The following MICAL3 variants were observed in gnomAD, a reference collection of about 807,000 sequenced individuals.
The protein encoded by MICAL3 is microtubule associated monooxygenase, calponin and LIM domain containing 3, also known as [F-actin]-monooxygenase MICAL3.
MICAL3 carries 62 observed loss-of-function variants against 207.4 expected under a neutral mutation model. The ratio of observed to expected loss-of-function variants is 0.30; its 90% CI spans 0.24 to 0.37. The LOEUF (loss-of-function observed/expected upper bound fraction) is 0.37. Among genes scored for constraint, MICAL3 ranks in the 10% least tolerant of loss-of-function variants. The pLI is 1.00. For missense variants in MICAL3, 2,368 were observed against 2,635.6 expected, an observed-to-expected ratio of 0.90 and a Z score of 2.22; for synonymous variants, 1,077 against 1,069.3, an observed-to-expected ratio of 1.01 and a Z score of -0.14.
intron 16 of MICAL3, among the ~76,000 whole-genome samples, chr22:17,882,739 C>T (rs543342510): frequency 1.8e-4 from 28 of 152,306 alleles, no homozygotes; most frequent in African/African-American, 6.0e-4. Flanking sequence ...TCACCGCTAA[C>T]GATTTCTCAC....
chr22:17,863,566 G>C, intron 19 of MICAL3: 1 of 985,438 alleles, frequency 1.0e-6, no homozygotes, highest in Non-Finnish European at 1.2e-6. Context: ...TTGAAACATG[G>C]CTATAAAATG....
chr22:17,866,390 G>T (rs906473469), intron 17 of MICAL3, among the ~76,000 whole-genome samples: 12 of 152,208 alleles, frequency 7.9e-5, no homozygotes, highest in Admixed American at 6.5e-4. Flanking sequence ...GGGAAACCAA[G>T]AATGAATACA....
chr22:17,955,706 C>T (rs1464645233), intron 1 of MICAL3, among the ~76,000 whole-genome samples: 1 of 152,254 alleles, frequency 6.6e-6, no homozygotes, highest in South Asian at 2.1e-4. Context: ...ATGAACCCCA[C>T]ATTTCTTCTA....
chr22:17,834,445 G>A, intron 20 of MICAL3: 2 of 1,285,412 alleles, frequency 1.6e-6, no homozygotes, highest in Non-Finnish European at 2.0e-6. Flanking sequence ...GCTGGGCCCA[G>A]TAGCTCACAT....
intron 1 of MICAL3, among the ~76,000 whole-genome samples, chr22:17,924,266 C>T (rs555215995): frequency 6.6e-6 from 1 of 152,306 alleles, no homozygotes; most frequent in Admixed American, 6.5e-5. Context: ...CTGGAGAGCT[C>T]TGTGTCTGCA....
At chr22:17,899,426 T>C (rs766726082) in intron 7 of MICAL3, 22 bp downstream of exon 7, 3 of 1,487,986 alleles carry the variant, frequency 2.0e-6, no homozygotes, top group South Asian at 2.3e-5. Flanking sequence ...AGAAAGAGTT[T>C]TGAAGGAAAT....
At chr22:17,962,229 TA>T (rs1413939331) in intron 1 of MICAL3, among the ~76,000 whole-genome samples, 1 of 151,312 alleles carries the variant, frequency 6.6e-6, no homozygotes, top group African/African-American at 2.4e-5. Context: ...AAAACTAACG[TA>T]AGTGCGAAAG....
At chr22:17,908,493 G>C (rs982142946) in intron 1 of MICAL3, among the ~76,000 whole-genome samples, 4 of 152,086 alleles carry the variant, frequency 2.6e-5, no homozygotes, top group Non-Finnish European at 5.9e-5. Context: ...ATTTTTAGTA[G>C]AGACGGGGTT....
chr22:17,863,971 C>T lies in MICAL3; in HGVS notation c.2605+928G>A, dbSNP rs1420227709. Reference sequence around the variant, plus strand: ...AAAGTGTGACAGACAGAAACACAGCCCTGCTGGCCCCCTCTTGCCACAGTG... The same window carrying T: ...AAAGTGTGACAGACAGAAACACAGCTCTGCTGGCCCCCTCTTGCCACAGTG... On this transcript the variant is annotated intron_variant, in intron 19 of 31. Coordinates refer to ENST00000441493, the MANE Select transcript of MICAL3 (RefSeq NM_015241.3). The T allele has an allele frequency of 5.1e-6, 5 of 985,348 alleles. No homozygotes were observed. In the African/African-American group the frequency reaches 7.0e-5, roughly 14 times the overall value. 61.0% of individuals were successfully genotyped at this position (985,348 alleles called of 1,614,324 possible).
rs747550648 is a variant in MICAL3, at chr22:17,827,648, G to C, written c.3189C>G (p.Ser1063=). The C allele has an allele frequency of 6.4e-7, 1 of 1,565,804 alleles. No individual in the cohort carries two copies. The highest frequency in any genetic ancestry group is 8.7e-7 in the Non-Finnish European group (1 of 1,155,568). The change falls in exon 22 of 32, where the codon TCC becomes TCG. Residue 1063 remains serine (S), a synonymous_variant. Transcript: ENST00000441493. ...CCTGGGGCTGGGAGTGTTTACCTCC[G>C]GAAGCAGAGGACTCAGAGGCCGGCG... The part of the protein sequence containing the change: ...RMAPASESSA[S]GAPLDENDLE...
At position 17,831,847 on chromosome 22, in the gene MICAL3, T is replaced by C. The variant is rs372791047; in HGVS notation, c.3055+7A>G. On this transcript the variant is annotated splice_region_variant and intron_variant, in intron 21 of 31. Transcript: ENST00000441493. ...GGCAGAGTTCGGAGCAGAGATTTTG[T>C]TCTGACCTTCACTGGACTCTTCCTC... 221 of 1,550,540 alleles carry C rather than the reference T, an allele frequency of 1.4e-4. No individual in the cohort carries two copies. Among genetic ancestry groups the C allele is most frequent in the Non-Finnish European group, 1.9e-4 (215 of 1,146,876 alleles).
Position 17,832,061 on chromosome 22 carries a change from C to G in MICAL3, c.2848G>C (p.Glu950Gln). The change falls in exon 21 of 32, where the codon GAG (glutamate) becomes CAG (glutamine). Residue 950 changes from glutamate to glutamine, a missense_variant. Glu to Gln is a conservative substitution (Grantham distance 29). Coordinates refer to ENST00000441493, the MANE Select transcript of MICAL3 (RefSeq NM_015241.3). Reference protein sequence around the residue: ...MEEEGEEEEEEPRLPPSDLGG... With the variant: ...MEEEGEEEEEQPRLPPSDLGG... The stretch of plus-strand genomic sequence containing the variant: ...AGGTCAGATGGGGGCAGGCGAGGCT[C>G]CTCCTCCTCCTCCTCTCCCTCCTCC... 1 of 1,522,184 alleles carries G rather than the reference C, an allele frequency of 6.6e-7. No individual in the cohort carries two copies. The highest frequency in any genetic ancestry group is 8.9e-7 in the Non-Finnish European group (1 of 1,119,646). The allele number at this position is 1,522,184 out of a possible 1,614,324, so 94.3% of individuals were successfully genotyped here. A position where few individuals can be genotyped will look rare whatever the true frequency, so the allele number is the denominator to read the frequency against.
intron 1 of MICAL3, among the ~76,000 whole-genome samples, chr22:17,982,341 G>A (rs554522405): frequency 1.3e-5 from 2 of 152,290 alleles, no homozygotes; most frequent in East Asian, 3.9e-4. Context: ...TCAAAAACGG[G>A]GGAAAATGCC....
chr22:17,872,922 A>G, intron 16 of MICAL3: 1 of 1,035,306 alleles, frequency 9.7e-7, no homozygotes. Context: ...ACATAAATTA[A>G]GAAGACACGG....
intron 1 of MICAL3, among the ~76,000 whole-genome samples, chr22:17,999,546 G>A (rs1409038711): frequency 6.6e-6 from 1 of 152,178 alleles, no homozygotes; most frequent in Non-Finnish European, 1.5e-5. Context: ...CATCTGCTAC[G>A]TGCCAAGGAC....
intron 16 of MICAL3, among the ~76,000 whole-genome samples, chr22:17,877,698 C>T (rs541392909): frequency 6.6e-6 from 1 of 152,144 alleles, no homozygotes; most frequent in African/African-American, 2.4e-5. Context: ...GAAACCAGTT[C>T]AGAGGGAAAA....
rs770910046 is a variant in MICAL3, at chr22:17,902,720, A to C, written c.500T>G (p.Leu167Trp). ...ISIRQLQLIL[L>W]KVALILGIEI... is the part of the protein sequence containing the mutation. ...AATGCCTAGGATCAAGGCTACTTTCAAAAGTATTAGTTGGAGCTGACGGAT... is the reference window on the plus strand; with the variant it reads ...AATGCCTAGGATCAAGGCTACTTTCCAAAGTATTAGTTGGAGCTGACGGAT... The change falls in exon 4 of 32, where the codon TTG becomes TGG. Residue 167 changes from leucine (L) to tryptophan (W), a missense_variant. Physicochemically the swap from Leu to Trp is moderately conservative, Grantham distance 61. Around this residue, in one of 4 missense-constraint regions of MICAL3, gnomAD observed 400 missense variants for 547.0 expected, o/e 0.73. Coordinates refer to ENST00000441493, the MANE Select transcript of MICAL3 (RefSeq NM_015241.3). The surrounding 1 kb of genome is among the most constrained non-coding windows in gnomAD (Gnocchi z 4.5). 3 of 1,601,754 alleles carry C rather than the reference A, an allele frequency of 1.9e-6. No homozygotes were observed. Among genetic ancestry groups the C allele is most frequent in the Admixed American group, 1.7e-5 (1 of 58,572 alleles).
At chr22:17,898,414 G>A (rs570730731) in intron 7 of MICAL3, among the ~76,000 whole-genome samples, 1 of 152,338 alleles carries the variant, frequency 6.6e-6, no homozygotes, top group Non-Finnish European at 1.5e-5. Context: ...ACACAGGGTG[G>A]CTGTGCTGAG....
chr22:17,959,775 A>G (rs1049381857), intron 1 of MICAL3, among the ~76,000 whole-genome samples: 3 of 152,096 alleles, frequency 2.0e-5, no homozygotes, highest in African/African-American at 7.2e-5. Context: ...CTCCCTGCCC[A>G]TAAGAACAGA....
Sources: gnomAD v4.1 joint callset for allele counts (sites outside exome capture counted in the v4.1 genomes callset) on GRCh38, gnomAD v4.1.1 for gene constraint, gnomAD v4.1.1 regional missense constraint, Gnocchi (gnomAD v3.1) non-coding constraint, MANE v1.5 for transcripts, NCBI Gene and HGNC (gene_info 2026-07-23, HGNC 2026-07-21) for gene names.